Variants in WBP2NL observed in about 807,000 individuals in gnomAD.
The protein encoded by WBP2NL is WBP2 N-terminal like, also known as postacrosomal sheath WW domain-binding protein.
Under a neutral mutation model 23.3 loss-of-function variants are expected in WBP2NL, and 27 were observed. The ratio of observed to expected loss-of-function variants is 1.16; its 90% CI spans 0.85 to 1.60. The LOEUF is 1.60. Among genes scored for constraint, WBP2NL ranks in the 40% most tolerant of loss-of-function variants. WBP2NL has a pLI of 0.00. For missense variants in WBP2NL, 370 were observed against 389.5 expected (o/e 0.95, Z 0.42); for synonymous variants, 151 against 145.9 (o/e 1.03, Z -0.25).
chr22:42,009,838 T>C (rs1209868878), intron 1 of WBP2NL, among the ~76,000 whole-genome samples: 3 of 152,236 alleles, frequency 2.0e-5, no homozygotes, highest in African/African-American at 7.2e-5. Context: ...TTTCTGTTTG[T>C]GCAAAAAGTG....
intron 1 of WBP2NL, among the ~76,000 whole-genome samples, chr22:42,010,612 C>T (rs1292256679): frequency 2.0e-5 from 3 of 152,116 alleles, no homozygotes; most frequent in Non-Finnish European, 4.4e-5. Flanking sequence ...AATCTCGGCT[C>T]ACTGCCAGCT....
At chr22:41,998,977 G>A (rs1921237900) in intron 1 of WBP2NL, 97 bp downstream of exon 1, 3 of 1,392,996 alleles carry the variant, frequency 2.2e-6, no homozygotes, top group Middle Eastern at 2.0e-4. Context: ...GGACTTTGCC[G>A]CCTTTTTTGG....
chr22:42,014,788 C>T (rs1171324908), intron 1 of WBP2NL, among the ~76,000 whole-genome samples: 1 of 152,214 alleles, frequency 6.6e-6, no homozygotes, highest in Non-Finnish European at 1.5e-5. Context: ...GTCTTCAACT[C>T]TAGAATTTCT....
Position 42,049,081 on chromosome 22 carries a change from A to G in WBP2NL, c.*274-9209A>G, listed in dbSNP as rs565318108. On this transcript the variant is annotated intron_variant and NMD_transcript_variant, in intron 8 of 8. Coordinates refer to the WBP2NL transcript ENST00000436265. The stretch of plus-strand genomic sequence containing the variant: ...GACCAACACAATACTGAAAAGAACA[A>G]AGTCAAAGAACTGATCCTTTAAGAC... 2.6e-5 allele frequency among the ~76,000 whole-genome samples: 4 copies of G among 152,300 alleles called. No individual in the cohort carries two copies. In the East Asian group the frequency reaches 7.7e-4, roughly 29 times the overall value.
intron 8 of WBP2NL, among the ~76,000 whole-genome samples, chr22:42,055,465 G>A (rs1925995361): frequency 6.6e-6 from 1 of 152,148 alleles, no homozygotes; most frequent in Non-Finnish European, 1.5e-5. Flanking sequence ...GTGAGCCACC[G>A]TGCCTGGCAA....
At chr22:42,052,057 T>G (rs1380035322) in intron 8 of WBP2NL, among the ~76,000 whole-genome samples, 3 of 152,218 alleles carry the variant, frequency 2.0e-5, no homozygotes, top group Non-Finnish European at 4.4e-5. Flanking sequence ...ATTCTCATTC[T>G]ATAAACCGGT....
downstream of WBP2NL, chr22:42,032,607 G>A: frequency 3.7e-6 from 1 of 269,436 alleles, no homozygotes; most frequent in Non-Finnish European, 7.9e-6. Context: ...AATTAATAAT[G>A]TAAAAATTTA....
chr22:42,051,691 G>C (rs1204757644), intron 8 of WBP2NL, among the ~76,000 whole-genome samples: 1 of 152,140 alleles, frequency 6.6e-6, no homozygotes, highest in Non-Finnish European at 1.5e-5. Flanking sequence ...GGGGAGGGAT[G>C]GGAAGCCCAT....
intron 4 of WBP2NL, among the ~76,000 whole-genome samples, chr22:42,020,893 TATATATATA>T (rs1923881230): frequency 2.7e-4 from 17 of 64,148 alleles, no homozygotes; most frequent in Non-Finnish European, 3.4e-4. Flanking sequence ...TATATATATA[TATATATATA>T]TATATATTTT....
chr22:42,016,326 G>A (rs1030648439), intron 1 of WBP2NL, among the ~76,000 whole-genome samples: 1 of 151,992 alleles, frequency 6.6e-6, no homozygotes, highest in African/African-American at 2.4e-5. Context: ...ATCAGTCCCG[G>A]GAAAATTACA....
chr22:42,044,667 G>C (rs1011871209), intron 8 of WBP2NL, among the ~76,000 whole-genome samples: 2 of 152,112 alleles, frequency 1.3e-5, no homozygotes, highest in Non-Finnish European at 2.9e-5. Flanking sequence ...CACTGGACAT[G>C]GTGGTGTGTG....
chr22:42,010,873 CA>C (rs927623469), intron 1 of WBP2NL, among the ~76,000 whole-genome samples: 5 of 152,186 alleles, frequency 3.3e-5, no homozygotes, highest in Non-Finnish European at 7.3e-5. Context: ...GCTTTTTCTG[CA>C]TCGATTGTGA....
intron 1 of WBP2NL, chr22:42,001,017 GTCATA>G (rs1921604503): frequency 1.6e-6 from 1 of 629,532 alleles, no homozygotes; most frequent in Non-Finnish European, 2.8e-6. Context: ...CTCAAGATAT[GTCATA>G]TAATACAACA....
At position 42,053,503 on chromosome 22, in the gene WBP2NL, A is replaced by G. The variant is rs563213763; in HGVS notation, c.*274-4787A>G. Among the ~76,000 whole-genome samples the G allele has an allele frequency of 4.7e-4, 71 of 150,946 alleles. 1 individual carries two copies. The highest frequency in any genetic ancestry group is 2.1e-3 in the Admixed American group (32 of 15,082). ...TTTAAGACCAGAGTCACTCTCACCC[A>G]GGCTGGAGTGCAGTGGCGCGATCTC... On this transcript the variant is annotated intron_variant and NMD_transcript_variant, in intron 8 of 8. Coordinates refer to the WBP2NL transcript ENST00000436265.
At chr22:42,021,797 T>C (rs1924004904) in intron 4 of WBP2NL, among the ~76,000 whole-genome samples, 2 of 150,540 alleles carry the variant, frequency 1.3e-5, no homozygotes, top group South Asian at 2.1e-4. Context: ...TTCTTTTTTT[T>C]TTTTTTTTTT....
chr22:42,016,212 C>G (rs1043263350), intron 1 of WBP2NL, among the ~76,000 whole-genome samples: 4 of 151,988 alleles, frequency 2.6e-5, no homozygotes, highest in Non-Finnish European at 5.9e-5. Flanking sequence ...AACTCCCGAC[C>G]TCTGGTAATC....
intron 1 of WBP2NL, chr22:42,001,523 C>G: frequency 1.0e-6 from 1 of 968,946 alleles, no homozygotes; most frequent in Non-Finnish European, 1.6e-6. Flanking sequence ...CCTTTCAGCT[C>G]CAGCTTTGCC....
intron 8 of WBP2NL, among the ~76,000 whole-genome samples, chr22:42,057,896 T>C (rs1393598585): frequency 1.1e-4 from 3 of 27,170 alleles, no homozygotes; most frequent in African/African-American, 3.2e-4. Flanking sequence ...TATATATATA[T>C]ATATATTTTT....
chr22:42,027,215 G>A lies in WBP2NL; in HGVS notation c.*34G>A, dbSNP rs761428062. The A allele has an allele frequency of 6.4e-7, 1 of 1,562,022 alleles. No homozygotes were observed. The highest frequency in any genetic ancestry group is 2.3e-5 in the East Asian group (1 of 44,414). The stretch of plus-strand genomic sequence containing the variant: ...GATGTAAACCTTGAAGACTCACCAA[G>A]CAAAGAGGTACCCTAAAATTGAAGT... On this transcript the variant is annotated 3_prime_UTR_variant, in exon 6 of 6. Coordinates refer to ENST00000328823, the MANE Select transcript of WBP2NL (RefSeq NM_152613.3).
Sources: gnomAD v4.1 joint callset for allele counts (sites outside exome capture counted in the v4.1 genomes callset) on GRCh38, gnomAD v4.1.1 for gene constraint, MANE v1.5 for transcripts, NCBI Gene and HGNC (gene_info 2026-07-23, HGNC 2026-07-21) for gene names.